The following TRPM5 variants were observed in gnomAD, a reference collection of about 807,000 sequenced individuals.
The protein encoded by TRPM5 is MLSN1 and TRP-related.
Under a neutral mutation model 124.9 loss-of-function variants are expected in TRPM5, and 121 were observed. The ratio of observed to expected loss-of-function variants is 0.97; its 90% CI spans 0.84 to 1.13. The LOEUF (loss-of-function observed/expected upper bound fraction) is 1.13, where lower values mean the gene tolerates loss of function less well. Ranked by LOEUF, TRPM5 falls within the 50% of genes most tolerant of loss-of-function variation. The pLI is 0.00. For synonymous variants in TRPM5, 781 were observed against 700.5 expected (o/e 1.11, Z -1.81); for missense variants, 1,643 against 1,589.1 (o/e 1.03, Z -0.58).
At chr11:2,430,348 G>C in the TRPM5 span, among the ~76,000 whole-genome samples, 1 of 152,200 alleles carries the variant, frequency 6.6e-6, no homozygotes, top group Non-Finnish European at 1.5e-5. Context: ...ATGATTGTAA[G>C]TTTGCTGAGG....
At chr11:2,414,014 C>CCCCCCCCCCCCCCCCCCCA in intron 12 of TRPM5, 47 bp downstream of exon 17, 2 of 533,202 alleles carry the variant, frequency 3.8e-6, no homozygotes, top group Non-Finnish European at 6.9e-6. Context: ...AGCTCGCCCG[C>CCCCCCCCCCCCCCCCCCCA]CCACCCCACC....
Position 2,406,670 on chromosome 11 carries a change from GT to G in TRPM5, c.3241del (p.Thr1081ProfsTer15), listed in dbSNP as rs773096462. On this transcript the variant is annotated frameshift_variant, in exon 21 of 24. Transcript: ENST00000155858. LOFTEE classifies it high-confidence loss of function. ...GGACAGGCCCCCGCACCTGTGGGCG[GT>G]TTTCCGCAGCACCTCCCCCTCGCTG... 1.2e-5 allele frequency: 20 copies of G among 1,610,660 alleles called. No individual in the cohort carries two copies. The highest frequency in any genetic ancestry group is 5.5e-5 in the South Asian group (5 of 90,724).
chr11:2,407,655 CCT>C, intron 19 of TRPM5, 102 bp downstream of exon 24: 1 of 1,455,268 alleles, frequency 6.9e-7, no homozygotes, highest in Non-Finnish European at 9.4e-7. Context: ...CAAGCCTCAC[CCT>C]CTGCAGCACA....
At chr11:2,431,843 T>C in the TRPM5 span, among the ~76,000 whole-genome samples, 1 of 152,342 alleles carries the variant, frequency 6.6e-6, no homozygotes, top group Middle Eastern at 3.4e-3. Flanking sequence ...CTGAAAGGTC[T>C]TTCATTTACT....
At position 2,409,744 on chromosome 11, in the gene TRPM5, G is replaced by C. The variant is rs375621676; in HGVS notation, c.2782+1608C>G. Among the ~76,000 whole-genome samples, 94 of 152,324 alleles carry C rather than the reference G, an allele frequency of 6.2e-4. 1 individual carries two copies. Among genetic ancestry groups the C allele is most frequent in the Admixed American group, 1.0e-3 (16 of 15,310 alleles). ...CGGAGCCCAAGGAATTGCAGCTCAG[G>C]GAGGGGAAGTGACAAGTCTGAGACT... On this transcript the variant is annotated intron_variant, in intron 18 of 23. Coordinates refer to ENST00000155858, the Ensembl canonical transcript of TRPM5.
At chr11:2,424,225 C>G (rs1413398148), upstream of TRPM5, among the ~76,000 whole-genome samples, 2 of 152,244 alleles carry the variant, frequency 1.3e-5, no homozygotes, top group Non-Finnish European at 2.9e-5. Flanking sequence ...TCTGTAAAAA[C>G]CTTCATTTCC....
upstream of TRPM5, among the ~76,000 whole-genome samples, chr11:2,424,656 T>G (rs7120930): frequency 5.9e-3 from 901 of 152,370 alleles, 15 homozygotes; most frequent in South Asian, 0.038. Flanking sequence ...AAGGGACACC[T>G]GGAGCCCCGA....
intron 18 of TRPM5, among the ~76,000 whole-genome samples, chr11:2,409,314 G>A (rs192874627): frequency 1.3e-5 from 2 of 152,118 alleles, no homozygotes; most frequent in Non-Finnish European, 2.9e-5. Context: ...GGAGGAGCGG[G>A]CCGGGGCCAG....
chr11:2,413,483 T>A (rs1337419743), exon 13 of TRPM5: 1 of 1,608,202 alleles, frequency 6.2e-7, no homozygotes, highest in Non-Finnish European at 8.5e-7. Context: ...CACCTGAAGG[T>A]GATGAGGTTG....
At chr11:2,430,617 A>ATGGAGGCGG in the TRPM5 span, among the ~76,000 whole-genome samples, 1 of 149,764 alleles carries the variant, frequency 6.7e-6, no homozygotes, top group African/African-American at 2.5e-5. Flanking sequence ...GGTGGTGGTG[A>ATGGAGGCGG]TGTTGGTGGC....
the TRPM5 span, among the ~76,000 whole-genome samples, chr11:2,432,089 C>T: frequency 9.2e-5 from 14 of 152,322 alleles, no homozygotes; most frequent in Middle Eastern, 3.4e-3. Context: ...CCCACACTCA[C>T]GCCCTGGGTG....
the TRPM5 span, among the ~76,000 whole-genome samples, chr11:2,432,185 C>T: frequency 2.0e-5 from 3 of 152,238 alleles, no homozygotes; most frequent in South Asian, 6.2e-4. Flanking sequence ...CCCAGGCGCT[C>T]ACCTGCGTCC....
At chr11:2,405,936 C>G in intron 22 of TRPM5, 83 bp downstream of exon 27, 1 of 1,257,588 alleles carries the variant, frequency 8.0e-7, no homozygotes, top group Non-Finnish European at 1.1e-6. Context: ...TGTGAGTGAC[C>G]GGGCAGGGCT....
In TRPM5 at chr11:2,414,437, C is replaced by T. The variant is rs542202569; in HGVS notation, c.1745-231G>A. Among the ~76,000 whole-genome samples the T allele has an allele frequency of 1.1e-4, 17 of 152,350 alleles. No individual in the cohort carries two copies. The Middle Eastern group carries it at 0.024, about 213-fold the overall frequency. On this transcript the variant is annotated intron_variant, in intron 11 of 23. Coordinates refer to ENST00000155858, the Ensembl canonical transcript of TRPM5. ...AGCAGGACAAAGGGAACCTCTGCCACGCTAAATGTCCCTCGTCCTGCGGCA... is the reference window on the plus strand; with the variant it reads ...AGCAGGACAAAGGGAACCTCTGCCATGCTAAATGTCCCTCGTCCTGCGGCA...
chr11:2,414,763 C>A lies in TRPM5; in HGVS notation c.1696G>T (p.Glu566Ter), dbSNP rs765974029. 1 of 1,550,386 alleles carries A rather than the reference C, an allele frequency of 6.5e-7. No individual in the cohort carries two copies. Among genetic ancestry groups the A allele is most frequent in the Non-Finnish European group, 8.7e-7 (1 of 1,148,224 alleles). The change falls in exon 11 of 24, where the codon GAG (glutamate) becomes TAG (stop). Residue 566 changes from glutamate (E) to a stop codon, truncating the protein, a stop_gained. Transcript: ENST00000155858. LOFTEE classifies it high-confidence loss of function. ...GCCTCGCGCGTGGCTCGGGCCGCCT[C>A]GGCCTCCGTCTCCAGGTGCGACATC... is the stretch of plus-strand genomic sequence containing the variant.
chr11:2,429,993 G>T, the TRPM5 span, among the ~76,000 whole-genome samples: 1 of 144,362 alleles, frequency 6.9e-6, no homozygotes, highest in South Asian at 2.2e-4. This position sits in a 1 kb window ranked among gnomAD's most constrained non-coding sequence, Gnocchi z 8.4. Context: ...CTATGGAGTT[G>T]GGGGGCACAG....
At chr11:2,407,342 G>A (rs746585320) in intron 19 of TRPM5, 42 bp from the exon 25 acceptor site, 50 of 1,568,986 alleles carry the variant, frequency 3.2e-5, no homozygotes, top group Non-Finnish European at 4.1e-5. Flanking sequence ...GGCTCCCCAC[G>A]ACCACTTGGG....
At chr11:2,413,333 G>A in intron 13 of TRPM5, 107 bp from the exon 19 acceptor site, 1 of 1,326,888 alleles carries the variant, frequency 7.5e-7, no homozygotes, top group South Asian at 1.5e-5. Context: ...AGGGGCTGTG[G>A]GGAGTGGGAC....
At chr11:2,417,611 G>A (rs1217858865) in intron 7 of TRPM5, 116 bp downstream of exon 12, 5 of 741,230 alleles carry the variant, frequency 6.7e-6, no homozygotes, top group East Asian at 2.7e-5. Flanking sequence ...CATCTTTCCT[G>A]GGAAGGGGCA....
Sources: gnomAD v4.1 joint callset for allele counts (sites outside exome capture counted in the v4.1 genomes callset) on GRCh38, gnomAD v4.1.1 for gene constraint, Gnocchi (gnomAD v3.1) non-coding constraint, MANE v1.5 for transcripts, NCBI Gene and HGNC (gene_info 2026-07-23, HGNC 2026-07-21) for gene names.